ANAPC1: variants seen among roughly 807,000 people sequenced by gnomAD.
ANAPC1 encodes the protein anaphase-promoting complex subunit 1.
In ANAPC1, 36 loss-of-function variants were observed where a neutral mutation model predicts 208.0. The observed-to-expected ratio is 0.17, with a 90% confidence interval of 0.13 to 0.23. The LOEUF is 0.23. ANAPC1 is among the 10% of genes least tolerant of loss of function. The probability of loss-of-function intolerance (pLI) is 1.00; values close to 1 mark genes in which losing one functional copy is unlikely to be tolerated. For missense variants in ANAPC1, 942 were observed against 2,011.6 expected, an observed-to-expected ratio of 0.47 and a Z score of 10.17; for synonymous variants, 378 against 695.2, an observed-to-expected ratio of 0.54 and a Z score of 7.18.
intron 14 of ANAPC1, among the ~76,000 whole-genome samples, chr2:111,849,798 G>A (rs543212379): frequency 1.8e-4 from 28 of 151,472 alleles, no homozygotes; most frequent in African/African-American, 4.6e-4. Context: ...GAGGCTAACC[G>A]GTCTCCTTAT....
At chr2:111,848,851 G>A (rs1435536827) in intron 14 of ANAPC1, among the ~76,000 whole-genome samples, 1 of 151,646 alleles carries the variant, frequency 6.6e-6, no homozygotes, top group African/African-American at 2.4e-5. Flanking sequence ...GGACAGTAAT[G>A]AAAAAGCCAA....
intron 47 of ANAPC1, among the ~76,000 whole-genome samples, chr2:111,769,808 G>C (rs1489574217): frequency 5.3e-4 from 77 of 145,742 alleles, no homozygotes; most frequent in African/African-American, 1.7e-3. Flanking sequence ...AGCCCCCCGA[G>C]TAGCTGGGAC....
In ANAPC1 at chr2:111,772,062, AT is replaced by A. The variant is rs766660348; in HGVS notation, c.5719+278del. Among the ~76,000 whole-genome samples, 51 of 148,618 alleles carry A rather than the reference AT, an allele frequency of 3.4e-4. 1 individual carries two copies. The highest frequency in any genetic ancestry group is 3.3e-4 in the Non-Finnish European group (22 of 67,296). ...AAAGAAAAATAGCTTTAATAAAAAAATCAATTAGTAAAGAATAATATGGAAT... is the reference window on the plus strand; with the variant it reads ...AAAGAAAAATAGCTTTAATAAAAAAACAATTAGTAAAGAATAATATGGAAT... On this transcript the variant is annotated intron_variant, in intron 47 of 47. Coordinates refer to ENST00000341068, the MANE Select transcript of ANAPC1 (RefSeq NM_022662.4).
downstream of ANAPC1, chr2:111,767,022 C>T (rs1375244541): frequency 6.4e-6 from 3 of 468,012 alleles, no homozygotes; most frequent in Non-Finnish European, 8.9e-6. Context: ...CAGATGTCAG[C>T]GTCTACTGGG....
chr2:111,853,531 C>A (rs1299421043), intron 13 of ANAPC1, among the ~76,000 whole-genome samples: 1 of 152,110 alleles, frequency 6.6e-6, no homozygotes, highest in Non-Finnish European at 1.5e-5. Flanking sequence ...ACTTCTAATT[C>A]TAATTCTCCT....
chr2:111,836,701 G>A (rs1680488318), intron 18 of ANAPC1, among the ~76,000 whole-genome samples: 1 of 151,716 alleles, frequency 6.6e-6, no homozygotes, highest in South Asian at 2.1e-4. Context: ...CGGCATGGTG[G>A]CTCACACCTG....
intron 38 of ANAPC1, among the ~76,000 whole-genome samples, chr2:111,790,519 T>C (rs1339672127): frequency 1.3e-5 from 2 of 152,084 alleles, no homozygotes; most frequent in Non-Finnish European, 2.9e-5. Flanking sequence ...TGGAGAAGGA[T>C]AAACTTTTCA....
At chr2:111,821,210 C>T in intron 26 of ANAPC1, 29 bp downstream of exon 26, 1 of 1,593,272 alleles carries the variant, frequency 6.3e-7, no homozygotes, top group South Asian at 1.1e-5. Context: ...TGAAACATGA[C>T]AAGAGATAGT....
Position 111,849,754 on chromosome 2 carries a change from A to G in ANAPC1, c.1650+1022T>C, listed in dbSNP as rs184537692. ...TACTGCCCTAGCTCAGACCCTCTTC[A>G]TACTTCTTAAACTGACACAGACAAC... On this transcript the variant is annotated intron_variant, in intron 14 of 47. Transcript: ENST00000341068. Among the ~76,000 whole-genome samples, 655 of 151,518 alleles carry G rather than the reference A, an allele frequency of 4.3e-3. 11 individuals carry two copies. The highest frequency in any genetic ancestry group is 0.015 in the African/African-American group (628 of 41,282).
intron 3 of ANAPC1, among the ~76,000 whole-genome samples, chr2:111,878,262 C>T (rs531941909): frequency 6.6e-6 from 1 of 152,330 alleles, no homozygotes; most frequent in African/African-American, 2.4e-5. Flanking sequence ...TATTAGCTAG[C>T]ATTCTTCTCT....
At chr2:111,841,027 A>T (rs1680732313) in intron 17 of ANAPC1, among the ~76,000 whole-genome samples, 1 of 152,220 alleles carries the variant, frequency 6.6e-6, no homozygotes, top group Non-Finnish European at 1.5e-5. Context: ...TAGACGACAG[A>T]GCGAAACCCC....
At chr2:111,824,240 C>CAAA (rs1180333720) in intron 24 of ANAPC1, among the ~76,000 whole-genome samples, 6 of 71,252 alleles carry the variant, frequency 8.4e-5, no homozygotes, top group East Asian at 4.0e-4. Flanking sequence ...AGGTAAAATG[C>CAAA]AAAAAAAAAA....
intron 24 of ANAPC1, among the ~76,000 whole-genome samples, chr2:111,823,493 G>A (rs1159797606): frequency 6.6e-6 from 1 of 150,714 alleles, no homozygotes; most frequent in Admixed American, 6.6e-5. Flanking sequence ...ATACTGGTTT[G>A]TTATGGAAAA....
intron 24 of ANAPC1, among the ~76,000 whole-genome samples, chr2:111,823,511 G>A (rs2104436825): frequency 1.3e-5 from 2 of 151,558 alleles, no homozygotes; most frequent in South Asian, 4.2e-4. Context: ...AAAAAAAAAA[G>A]AGATGGAGAA....
chr2:111,832,841 G>A (rs1453763477), intron 20 of ANAPC1, among the ~76,000 whole-genome samples: 2 of 151,202 alleles, frequency 1.3e-5, no homozygotes, highest in Non-Finnish European at 2.9e-5. Context: ...AGGAGGCTGA[G>A]GCAGGAGAAT....
At chr2:111,843,293 T>A in intron 17 of ANAPC1, 119 bp downstream of exon 17, 1 of 944,704 alleles carries the variant, frequency 1.1e-6, no homozygotes, top group South Asian at 1.6e-5. Flanking sequence ...TAAACCTTAA[T>A]ATTATTCTAT....
chr2:111,843,709 A>G (rs1167266681), intron 16 of ANAPC1, 110 bp from the exon 17 acceptor site: 28 of 863,642 alleles, frequency 3.2e-5, no homozygotes, highest in Non-Finnish European at 4.7e-5. Flanking sequence ...ATTATTATGA[A>G]AAGAAAACTG....
chr2:111,881,463 G>A (rs1160690024), intron 1 of ANAPC1, among the ~76,000 whole-genome samples: 2 of 152,044 alleles, frequency 1.3e-5, no homozygotes, highest in African/African-American at 2.4e-5. Flanking sequence ...CCAAAGAACC[G>A]AGGCATGAAT....
chr2:111,854,174 TC>T (rs1249019668), intron 13 of ANAPC1, among the ~76,000 whole-genome samples: 1 of 152,138 alleles, frequency 6.6e-6, no homozygotes, highest in African/African-American at 2.4e-5. Context: ...ACAACATTCA[TC>T]TCCTGTACAT....
Sources: gnomAD v4.1 joint callset for allele counts (sites outside exome capture counted in the v4.1 genomes callset) on GRCh38, gnomAD v4.1.1 for gene constraint, MANE v1.5 for transcripts, NCBI Gene and HGNC (gene_info 2026-07-23, HGNC 2026-07-21) for gene names.